Variants in STK32C observed in about 807,000 individuals in gnomAD.
STK32C encodes serine/threonine kinase 32C.
A neutral mutation model predicts 56.5 loss-of-function variants in STK32C; 31 were observed. That is an observed-to-expected ratio of 0.55 (90% CI 0.41 to 0.74). STK32C has a LOEUF of 0.74. Among genes scored for constraint, STK32C ranks in the 30% least tolerant of loss-of-function variants. STK32C has a pLI of 0.00. For synonymous variants in STK32C, 309 were observed against 289.4 expected (o/e 1.07, Z -0.69); for missense variants, 544 against 676.9 (o/e 0.80, Z 2.18).
chr10:132,328,981 CCT>C (rs1163313985), intron 1 of STK32C, among the ~76,000 whole-genome samples: 2 of 152,204 alleles, frequency 1.3e-5, no homozygotes, highest in Non-Finnish European at 2.9e-5. Flanking sequence ...ACATAAGCCC[CCT>C]CTGCAGAAGC....
At chr10:132,243,467 T>A (rs2063577253) in intron 2 of STK32C, among the ~76,000 whole-genome samples, 1 of 152,086 alleles carries the variant, frequency 6.6e-6, no homozygotes, top group Non-Finnish European at 1.5e-5. Flanking sequence ...TGGACGAATG[T>A]CCATGGCAGG....
At chr10:132,279,969 G>GC (rs2065112349) in intron 1 of STK32C, among the ~76,000 whole-genome samples, 1 of 128,298 alleles carries the variant, frequency 7.8e-6, no homozygotes, top group Non-Finnish European at 1.6e-5. Context: ...CCGTGACCAC[G>GC]CCCCTGCACC....
downstream of STK32C, among the ~76,000 whole-genome samples, chr10:132,321,346 G>A (rs573116042): frequency 4.6e-5 from 7 of 152,146 alleles, no homozygotes; most frequent in South Asian, 6.2e-4. Context: ...AATGCTTGGC[G>A]TTCATGGTAC....
chr10:132,233,232 C>A (rs1180248878), intron 2 of STK32C, among the ~76,000 whole-genome samples: 1 of 152,124 alleles, frequency 6.6e-6, no homozygotes, highest in African/African-American at 2.4e-5. Flanking sequence ...CAGTATGGGG[C>A]CTCTGGGGAG....
chr10:132,295,082 C>T (rs1193837372), intron 1 of STK32C, among the ~76,000 whole-genome samples: 1 of 152,102 alleles, frequency 6.6e-6, no homozygotes, highest in Non-Finnish European at 1.5e-5. Context: ...AATTCACACG[C>T]CCACCGGCAG....
chr10:132,248,385 G>C (rs1565107027), intron 1 of STK32C, among the ~76,000 whole-genome samples: 1 of 152,238 alleles, frequency 6.6e-6, no homozygotes, highest in Admixed American at 6.5e-5. Flanking sequence ...CTGCAGTGGG[G>C]AGGGGACAGG....
chr10:132,242,773 G>A (rs2063552373), intron 2 of STK32C, among the ~76,000 whole-genome samples: 1 of 152,170 alleles, frequency 6.6e-6, no homozygotes, highest in African/African-American at 2.4e-5. Flanking sequence ...AAATTCGTAT[G>A]CTTTTCCTCC....
chr10:132,331,493 G>C, exon 1 of STK32C: 2 of 1,612,856 alleles, frequency 1.2e-6, no homozygotes, highest in Non-Finnish European at 8.5e-7. Context: ...TCTCCAAAGA[G>C]GACGCTCTGA....
intron 1 of STK32C, among the ~76,000 whole-genome samples, chr10:132,317,967 C>CAAAAAAAAAAAAA (rs1223040750): frequency 7.2e-5 from 4 of 55,588 alleles, no homozygotes; most frequent in Non-Finnish European, 1.2e-4. Context: ...GACTCTGTCT[C>CAAAAAAAAAAAAA]AAAAAAAAAA....
intron 1 of STK32C, among the ~76,000 whole-genome samples, chr10:132,300,332 T>C (rs924016889): frequency 1.3e-5 from 2 of 152,246 alleles, no homozygotes; most frequent in African/African-American, 4.8e-5. Flanking sequence ...TTCCACAGGA[T>C]TGGCAGGGCC....
intron 10 of STK32C, among the ~76,000 whole-genome samples, chr10:132,210,238 G>A (rs866384367): frequency 4.6e-4 from 70 of 152,246 alleles, no homozygotes; most frequent in African/African-American, 1.6e-3. Context: ...TCTGTGCCTC[G>A]AACACCTGGA....
At chr10:132,246,363 C>A (rs1590247341) in intron 1 of STK32C, among the ~76,000 whole-genome samples, 1 of 152,250 alleles carries the variant, frequency 6.6e-6, no homozygotes, top group East Asian at 1.9e-4. Flanking sequence ...GGAAGCCATG[C>A]ACACATGAGC....
chr10:132,237,653 G>A (rs1565094662), intron 2 of STK32C, among the ~76,000 whole-genome samples: 2 of 152,210 alleles, frequency 1.3e-5, no homozygotes, highest in South Asian at 2.1e-4. Context: ...GTGCCGGCGG[G>A]GCTGGCCCCG....
chr10:132,326,983 A>G (rs2066511655), intron 1 of STK32C, among the ~76,000 whole-genome samples: 1 of 152,252 alleles, frequency 6.6e-6, no homozygotes, highest in Non-Finnish European at 1.5e-5. Context: ...TAAAAAAACT[A>G]AAGCAGAGTA....
At chr10:132,248,151 C>G (rs1162219710) in intron 1 of STK32C, among the ~76,000 whole-genome samples, 2 of 152,262 alleles carry the variant, frequency 1.3e-5, no homozygotes, top group Non-Finnish European at 2.9e-5. Context: ...GCAGCCCGGG[C>G]CGCGGCCGCA....
intron 1 of STK32C, among the ~76,000 whole-genome samples, chr10:132,251,078 G>GC (rs1253045153): frequency 3.9e-5 from 6 of 152,162 alleles, no homozygotes; most frequent in African/African-American, 1.4e-4. Flanking sequence ...CCCCCAAGGA[G>GC]CCCTGAGCCC....
At chr10:132,243,219 A>C in intron 2 of STK32C, among the ~76,000 whole-genome samples, 1 of 152,218 alleles carries the variant, frequency 6.6e-6, no homozygotes, top group African/African-American at 2.4e-5. Flanking sequence ...CCTCAGCCTG[A>C]GATATCCACA....
At chr10:132,286,262 T>C (rs2065402425) in intron 1 of STK32C, among the ~76,000 whole-genome samples, 1 of 152,238 alleles carries the variant, frequency 6.6e-6, no homozygotes, top group Admixed American at 6.5e-5. Context: ...AATAATCCTT[T>C]ATCTCCTAAA....
Position 132,228,041 on chromosome 10 carries a change from G to A in STK32C, c.406C>T (p.Arg136Cys), listed in dbSNP as rs777981254. Residue 136 changes from arginine to cysteine, a missense_variant, in exon 3 of 12, where the codon CGC becomes TGC. Transcript: ENST00000298630. ...ATCTCCAGCTCCCGGAAGACGTTGC[G>A]GACCTCGTCGCGCTCGATGCACTGC... ...KQQCIERDEV[R>C]NVFRELEILQ... 19 of 1,613,950 alleles carry A rather than the reference G, an allele frequency of 1.2e-5. No homozygotes were observed. The highest frequency in any genetic ancestry group is 1.7e-4 in the Middle Eastern group (1 of 6,060).
Sources: gnomAD v4.1 joint callset for allele counts (sites outside exome capture counted in the v4.1 genomes callset) on GRCh38, gnomAD v4.1.1 for gene constraint, MANE v1.5 for transcripts, NCBI Gene and HGNC (gene_info 2026-07-23, HGNC 2026-07-21) for gene names.